P2RX1: variants seen among roughly 807,000 people sequenced by gnomAD.
The protein encoded by P2RX1 is P2X purinoceptor 1.
P2RX1 carries 42 observed loss-of-function variants against 50.3 expected under a neutral mutation model. The observed-to-expected ratio is 0.83, with a 90% confidence interval of 0.65 to 1.08. P2RX1 has a LOEUF of 1.08. P2RX1 is among the 50% of genes least tolerant of loss of function. The pLI, the probability that P2RX1 is intolerant of heterozygous loss-of-function variation, is 0.00. For missense variants in P2RX1, 449 were observed against 529.0 expected, an observed-to-expected ratio of 0.85 and a Z score of 1.48; for synonymous variants, 199 against 202.6, an observed-to-expected ratio of 0.98 and a Z score of 0.15.
intron 1 of P2RX1, among the ~76,000 whole-genome samples, chr17:3,909,912 A>C (rs1055712958): frequency 6.6e-6 from 1 of 151,870 alleles, no homozygotes; most frequent in Non-Finnish European, 1.5e-5. Context: ...ATCCTAAGTC[A>C]AACCACGCTA....
chr17:3,899,503 A>G, intron 8 of P2RX1, 131 bp downstream of exon 8: 3 of 1,248,598 alleles, frequency 2.4e-6, no homozygotes, highest in Non-Finnish European at 3.5e-6. Context: ...ATGGCCACCC[A>G]GGCAGAATGA....
At chr17:3,915,759 G>A (rs537398278) in intron 1 of P2RX1, 5 of 502,228 alleles carry the variant, frequency 1.0e-5, no homozygotes, top group Admixed American at 2.3e-5. Flanking sequence ...GTCAGAGGTC[G>A]AGGACTCAGT....
At position 3,903,751 on chromosome 17, in the gene P2RX1, G is replaced by T; in HGVS notation, c.525-120C>A. The T allele has an allele frequency of 1.7e-6, 2 of 1,153,736 alleles. No homozygotes were observed. Among genetic ancestry groups the T allele is most frequent in the Non-Finnish European group, 2.6e-6 (2 of 775,252 alleles). 71.5% of individuals were successfully genotyped at this position (1,153,736 alleles called of 1,614,324 possible). ...CGGGACCCGCCTGCAGCCCTGGGCT[G>T]GTGGAGGGGTGGGTGTGCTCTAGCG... On this transcript the variant is annotated intron_variant, in intron 5 of 11. Transcript: ENST00000225538. The surrounding 1 kb of genome is among the most constrained non-coding windows in gnomAD (Gnocchi z 4.6).
In P2RX1 at chr17:3,903,116, C is replaced by T. The variant is rs868305287; in HGVS notation, c.747+86G>A. Reference sequence around the variant, plus strand: ...ATATACTCAGCCCTCACCGAGGAGACTTGGGAAGATGAACTGGGCCTAAAA... The same window carrying T: ...ATATACTCAGCCCTCACCGAGGAGATTTGGGAAGATGAACTGGGCCTAAAA... On this transcript the variant is annotated intron_variant, in intron 7 of 11. Transcript: ENST00000225538. The surrounding 1 kb of genome is among the most constrained non-coding windows in gnomAD (Gnocchi z 4.6). 3 of 1,585,994 alleles carry T rather than the reference C, an allele frequency of 1.9e-6. No homozygotes were observed. The highest frequency in any genetic ancestry group is 1.3e-5 in the African/African-American group (1 of 74,544).
intron 1 of P2RX1, among the ~76,000 whole-genome samples, chr17:3,913,189 T>C (rs1233514121): frequency 6.7e-6 from 1 of 148,980 alleles, no homozygotes; most frequent in African/African-American, 2.5e-5. Context: ...TGGAGTGCAA[T>C]GGGGCAATCT....
rs776898877 is a variant in P2RX1, at chr17:3,898,987, G to A, written c.913C>T (p.Arg305Cys). ...RHFVENGTNY[R>C]HLFKVFGIRF... is the part of the protein sequence containing the mutation. ...ATCCCAAACACCTTGAAGAGGTGAC[G>A]GTAGTTGGTCCCGTTCTCCACAAAG... The change falls in exon 9 of 12, where the codon CGT becomes TGT. Residue 305 changes from arginine to cysteine, a missense_variant. Physicochemically the swap from Arg to Cys is radical, Grantham distance 180. Transcript: ENST00000225538. 4.6e-5 allele frequency: 74 copies of A among 1,613,428 alleles called. No individual in the cohort carries two copies. The highest frequency in any genetic ancestry group is 5.6e-5 in the Non-Finnish European group (66 of 1,179,870).
chr17:3,913,885 G>A (rs1029477228), intron 1 of P2RX1, among the ~76,000 whole-genome samples: 3 of 152,052 alleles, frequency 2.0e-5, no homozygotes, highest in Non-Finnish European at 4.4e-5. Flanking sequence ...CCTGCAACCC[G>A]TGCCCCACGG....
At position 3,897,411 on chromosome 17, in the gene P2RX1, A is replaced by G. The variant is rs1300028830; in HGVS notation, c.*403T>C. 5 of 283,884 alleles carry G rather than the reference A, an allele frequency of 1.8e-5. No homozygotes were observed. Among genetic ancestry groups the G allele is most frequent in the Non-Finnish European group, 3.5e-5 (5 of 143,304 alleles). The allele number at this position is 283,884 out of a possible 1,614,324, so 17.6% of individuals were successfully genotyped here. A position where few individuals can be genotyped will look rare whatever the true frequency, so the allele number is the denominator to read the frequency against. On this transcript the variant is annotated 3_prime_UTR_variant, in exon 12 of 12. Coordinates refer to ENST00000225538, the MANE Select transcript of P2RX1 (RefSeq NM_002558.4). Reference sequence around the variant, plus strand: ...GGAATTGAATTTTGTGTTTCATTCTATTTTATTTTAGTTTAATTTAGTCAC... The same window carrying G: ...GGAATTGAATTTTGTGTTTCATTCTGTTTTATTTTAGTTTAATTTAGTCAC...
intron 1 of P2RX1, among the ~76,000 whole-genome samples, chr17:3,912,519 T>C (rs949515718): frequency 6.6e-6 from 1 of 151,980 alleles, no homozygotes; most frequent in South Asian, 2.1e-4. Flanking sequence ...TTAGTAGAGA[T>C]GGGTTTTCAC....
intron 9 of P2RX1, 95 bp from the exon 10 acceptor site, chr17:3,898,644 G>T (rs2056078617): frequency 2.1e-6 from 2 of 934,558 alleles, no homozygotes; most frequent in Non-Finnish European, 3.4e-6. Context: ...CCCACCCTCG[G>T]CTGTGAACTG....
chr17:3,897,875 T>C lies in P2RX1; in HGVS notation c.1139A>G (p.Glu380Gly). 1 of 1,613,900 alleles carries C rather than the reference T, an allele frequency of 6.2e-7. No homozygotes were observed. The highest frequency in any genetic ancestry group is 8.5e-7 in the Non-Finnish European group (1 of 1,179,980). ...GGAGCTGGTAGCTGCGAGGTCACGC[T>C]CAGCCTGTGTACGTGGTGCAAGGGT... ...YAEDMGPGAAERDLAATSSTL... is the reference protein window; with the variant it reads ...YAEDMGPGAAGRDLAATSSTL... Residue 380 changes from glutamate (E) to glycine (G), a missense_variant, in exon 12 of 12, where the codon GAG (glutamate) becomes GGG (glycine). Glu to Gly is a moderately conservative substitution (Grantham distance 98). Transcript: ENST00000225538.
chr17:3,911,144 A>G (rs1314098688), intron 1 of P2RX1, among the ~76,000 whole-genome samples: 2 of 142,498 alleles, frequency 1.4e-5, no homozygotes, highest in Admixed American at 7.0e-5. Flanking sequence ...GCGCCACCAC[A>G]CCTGGGTAAT....
rs1230200405 is a variant in P2RX1, at chr17:3,897,699, C to T, written c.*115G>A. ...TGAGCTTCTGGCAAACTGCTCTCTG[C>T]CTGGCTGAGAGGGTAGGAGACTTCC... On this transcript the variant is annotated 3_prime_UTR_variant, in exon 12 of 12. Coordinates refer to ENST00000225538, the MANE Select transcript of P2RX1 (RefSeq NM_002558.4). 2.5e-5 allele frequency: 23 copies of T among 920,876 alleles called. No individual in the cohort carries two copies. Among genetic ancestry groups the T allele is most frequent in the Non-Finnish European group, 3.6e-5 (21 of 582,714 alleles). 57.0% of individuals were successfully genotyped at this position (920,876 alleles called of 1,614,324 possible). A position where few individuals can be genotyped will look rare whatever the true frequency, so the allele number is the denominator to read the frequency against.
intron 1 of P2RX1, among the ~76,000 whole-genome samples, chr17:3,912,455 C>T (rs1018077446): frequency 5.3e-5 from 8 of 152,216 alleles, no homozygotes; most frequent in South Asian, 2.1e-4. Flanking sequence ...TTCAGCCTCC[C>T]GAGTAGCTGG....
Position 3,904,074 on chromosome 17 carries a change from G to A in P2RX1, c.428-50C>T, listed in dbSNP as rs111480308. ...GTGCCTGCACTAAACAGAGGAGGCCGCCCCAGACCCCTTCTCCAGGAGCTC... is the reference window on the plus strand; with the variant it reads ...GTGCCTGCACTAAACAGAGGAGGCCACCCCAGACCCCTTCTCCAGGAGCTC... On this transcript the variant is annotated intron_variant, in intron 4 of 11. Transcript: ENST00000225538. 5.0e-3 allele frequency: 7,149 copies of A among 1,428,566 alleles called. 119 individuals are homozygous for A. Among genetic ancestry groups the A allele is most frequent in the African/African-American group, 0.037 (2,678 of 71,420 alleles). The allele number at this position is 1,428,566 out of a possible 1,614,324, so 88.5% of individuals were successfully genotyped here.
At chr17:3,911,781 T>G (rs1183613904) in intron 1 of P2RX1, among the ~76,000 whole-genome samples, 1 of 152,198 alleles carries the variant, frequency 6.6e-6, no homozygotes, top group African/African-American at 2.4e-5. Context: ...CAGTGACACC[T>G]TCTCTATTCC....
Position 3,914,491 on chromosome 17 carries a change from C to T in P2RX1, c.137+1598G>A, listed in dbSNP as rs1233304160. 6.6e-6 allele frequency among the ~76,000 whole-genome samples: 1 copy of T among 152,144 alleles called. No homozygotes were observed. The highest frequency in any genetic ancestry group is 1.5e-5 in the Non-Finnish European group (1 of 68,008). Reference sequence around the variant, plus strand: ...CACAGAGGAGGGACCTGGTGCCCCTCACACCTGCAGATCTGAAAGCAGAAC... The same window carrying T: ...CACAGAGGAGGGACCTGGTGCCCCTTACACCTGCAGATCTGAAAGCAGAAC... On this transcript the variant is annotated intron_variant, in intron 1 of 11. Coordinates refer to ENST00000225538, the MANE Select transcript of P2RX1 (RefSeq NM_002558.4). The surrounding 1 kb of genome is among the most constrained non-coding windows in gnomAD (Gnocchi z 4.1).
At chr17:3,911,170 T>G (rs1181379776) in intron 1 of P2RX1, among the ~76,000 whole-genome samples, 1 of 148,170 alleles carries the variant, frequency 6.7e-6, no homozygotes, top group African/African-American at 2.6e-5. Flanking sequence ...TTTTTTTTTT[T>G]AGATACAGGG....
chr17:3,896,624 G>T lies in P2RX1; in HGVS notation c.*1190C>A, dbSNP rs6502752. The T allele has an allele frequency of 6.6e-6, 1 of 152,216 alleles. No homozygotes were observed. Among genetic ancestry groups the T allele is most frequent in the Non-Finnish European group, 1.5e-5 (1 of 68,066 alleles). The allele number at this position is 152,216 out of a possible 1,614,324, so 9.4% of individuals were successfully genotyped here. A position where few individuals can be genotyped will look rare whatever the true frequency, so the allele number is the denominator to read the frequency against. On this transcript the variant is annotated 3_prime_UTR_variant, in exon 12 of 12. Transcript: ENST00000225538. ...TCATTCCCTTTATTGTACTCCACCCGTCGCTTCCCCCAGACCTTCTGTTCA... is the reference window on the plus strand; with the variant it reads ...TCATTCCCTTTATTGTACTCCACCCTTCGCTTCCCCCAGACCTTCTGTTCA...
Sources: gnomAD v4.1 joint callset for allele counts (sites outside exome capture counted in the v4.1 genomes callset) on GRCh38, gnomAD v4.1.1 for gene constraint, Gnocchi (gnomAD v3.1) non-coding constraint, MANE v1.5 for transcripts, NCBI Gene and HGNC (gene_info 2026-07-23, HGNC 2026-07-21) for gene names.